Variants in AVPR1B observed in about 807,000 individuals in gnomAD.
The protein encoded by AVPR1B is arginine vasopressin receptor 1B, also known as vasopressin V1b receptor.
AVPR1B carries 25 observed loss-of-function variants against 27.5 expected under a neutral mutation model. The observed-to-expected ratio is 0.91, with a 90% CI of 0.66 to 1.27. AVPR1B has a LOEUF of 1.27. Among genes scored for constraint, AVPR1B ranks in the 50% most tolerant of loss-of-function variants. The probability of loss-of-function intolerance (pLI) is 0.00; values close to 1 mark genes in which losing one functional copy is unlikely to be tolerated. For synonymous variants in AVPR1B, 248 were observed against 240.2 expected (o/e 1.03, Z -0.30); for missense variants, 595 against 556.9 (o/e 1.07, Z -0.69).
At position 206,110,150 on chromosome 1, in the gene AVPR1B, C is replaced by T; in HGVS notation, c.*39G>A. 6.4e-7 allele frequency: 1 copy of T among 1,556,080 alleles called. No individual in the cohort carries two copies. The highest frequency in any genetic ancestry group is 1.9e-5 in the Admixed American group (1 of 52,780). The stretch of plus-strand genomic sequence containing the variant: ...GCCCGAGGTGGGCAGAGAACCTCCA[C>T]TAGTCCTGGGGGCAGTACCAGACCC... On this transcript the variant is annotated 3_prime_UTR_variant, in exon 2 of 2. Coordinates refer to ENST00000367126, the MANE Select transcript of AVPR1B (RefSeq NM_000707.5).
rs373842815 is a variant in AVPR1B at position 206,110,159 on chromosome 1, G to A, written c.*30C>T. On this transcript the variant is annotated 3_prime_UTR_variant, in exon 2 of 2. Transcript: ENST00000367126. ...GGGCAGAGAACCTCCACTAGTCCTG[G>A]GGGCAGTACCAGACCCCAGCGAGTC... 1.7e-5 allele frequency: 27 copies of A among 1,571,890 alleles called. No homozygotes were observed. Among genetic ancestry groups the A allele is most frequent in the Non-Finnish European group, 2.2e-5 (26 of 1,156,552 alleles).
intron 1 of AVPR1B, among the ~76,000 whole-genome samples, chr1:206,115,097 T>A (rs147738649): frequency 1.4e-4 from 21 of 152,340 alleles, no homozygotes; most frequent in Non-Finnish European, 2.8e-4. Context: ...AGCTCATGCA[T>A]AGGTACTGCA....
In AVPR1B at chr1:206,107,396, A is replaced by G. The variant is rs1258541511; in HGVS notation, c.*2793T>C. Among the ~76,000 whole-genome samples, 2 of 151,836 alleles carry G rather than the reference A, an allele frequency of 1.3e-5. No individual in the cohort carries two copies. Among genetic ancestry groups the G allele is most frequent in the Non-Finnish European group, 2.9e-5 (2 of 67,978 alleles). ...CTTGAACCCTATCCAAGGCCCTTCC[A>G]CTGGCCCAGACTGTCCAGGCGAGCC... On this transcript the variant is annotated 3_prime_UTR_variant, in exon 2 of 2. Transcript: ENST00000367126.
In AVPR1B at chr1:206,116,497, G is replaced by T; in HGVS notation, c.394C>A (p.Arg132Ser). 6.2e-7 allele frequency: 1 copy of T among 1,614,060 alleles called. No individual in the cohort carries two copies. The highest frequency in any genetic ancestry group is 1.7e-4 in the Middle Eastern group (1 of 6,060). ...AGGGGGTGACAGACAGCCAGGTAGCGGTCCAGCGTCATGGCCAGCAGCATG... is the reference window on the plus strand; with the variant it reads ...AGGGGGTGACAGACAGCCAGGTAGCTGTCCAGCGTCATGGCCAGCAGCATG... ...TYMLLAMTLD[R>S]YLAVCHPLRS... The change falls in exon 1 of 2, where the codon CGC (arginine) becomes AGC (serine). Residue 132 changes from arginine (R) to serine (S), a missense_variant. Transcript: ENST00000367126.
At position 206,116,442 on chromosome 1, in the gene AVPR1B, G is replaced by T; in HGVS notation, c.449C>A (p.Thr150Asn). 1 of 1,614,010 alleles carries T rather than the reference G, an allele frequency of 6.2e-7. No individual in the cohort carries two copies. The highest frequency in any genetic ancestry group is 8.5e-7 in the Non-Finnish European group (1 of 1,180,038). Residue 150 changes from threonine to asparagine, a missense_variant, in exon 1 of 2, where the codon ACC (threonine) becomes AAC (asparagine). Transcript: ENST00000367126. ...CCAGGGAGCAGCGATGAGCAGGTAG[G>T]TGGACTGGCCTGGCTGCTGGAGGCT... is the stretch of plus-strand genomic sequence containing the variant. ...LRSLQQPGQS[T>N]YLLIAAPWLL...
At chr1:206,114,932 G>A (rs1663438714) in intron 1 of AVPR1B, among the ~76,000 whole-genome samples, 1 of 152,180 alleles carries the variant, frequency 6.6e-6, no homozygotes, top group African/African-American at 2.4e-5. Context: ...AGCAGAAGCT[G>A]AGCCAAAACA....
chr1:206,116,569 T>C lies in AVPR1B; in HGVS notation c.322A>G (p.Arg108Gly). ...YRFQGPDLLC[R>G]AVKYLQVLSM... Reference sequence around the variant, plus strand: ...AGCACCTGCAGGTACTTGACGGCCCTGCACAGGAGGTCGGGGCCCTGGAAG... The same window carrying C: ...AGCACCTGCAGGTACTTGACGGCCCCGCACAGGAGGTCGGGGCCCTGGAAG... Residue 108 changes from arginine to glycine, a missense_variant, in exon 1 of 2, where the codon AGG (arginine) becomes GGG (glycine). Physicochemically the swap from Arg to Gly is moderately radical, Grantham distance 125. Transcript: ENST00000367126. 6.2e-7 allele frequency: 1 copy of C among 1,614,100 alleles called. No individual in the cohort carries two copies. The highest frequency in any genetic ancestry group is 8.5e-7 in the Non-Finnish European group (1 of 1,180,028).
rs1553290627 is a variant in AVPR1B, at chr1:206,116,846, G to A, written c.45C>T (p.Gly15=). ...PLWDANPTPR[G]TLSAPNATTP... is the part of the protein sequence containing the mutation. ...TTGTGGCATTGGGGGCAGAGAGGGT[G>A]CCCCGAGGGGTGGGGTTGGCATCCC... The change falls in exon 1 of 2, where the codon GGC becomes GGT. Residue 15 remains glycine, a synonymous_variant. Coordinates refer to ENST00000367126, the MANE Select transcript of AVPR1B (RefSeq NM_000707.5). The A allele has an allele frequency of 6.2e-7, 1 of 1,613,842 alleles. No individual in the cohort carries two copies.
rs1553289614 is a variant in AVPR1B, at chr1:206,110,372, G to T, written c.1092C>A (p.Arg364=). Residue 364 remains arginine (R), a synonymous_variant, in exon 2 of 2, where the codon CGC becomes CGA. Coordinates refer to ENST00000367126, the MANE Select transcript of AVPR1B (RefSeq NM_000707.5). ...ACCGGPQPRM[R]RRLSDGSLSS... The stretch of plus-strand genomic sequence containing the variant: ...AGAGGCTGCCGTCGGAGAGCCGCCG[G>T]CGCATCCTGGGCTGGGGACCCCCAC... 2 of 1,610,826 alleles carry T rather than the reference G, an allele frequency of 1.2e-6. No individual in the cohort carries two copies. Among genetic ancestry groups the T allele is most frequent in the Admixed American group, 3.4e-5 (2 of 59,488 alleles).
intron 1 of AVPR1B, among the ~76,000 whole-genome samples, chr1:206,113,020 G>A (rs536059530): frequency 6.6e-6 from 1 of 152,334 alleles, no homozygotes; most frequent in South Asian, 2.1e-4. Flanking sequence ...CTTTGGCTGA[G>A]GGGACAGTAT....
Position 206,109,498 on chromosome 1 carries a change from A to G in AVPR1B, c.*691T>C, listed in dbSNP as rs190402840. On this transcript the variant is annotated 3_prime_UTR_variant, in exon 2 of 2. Transcript: ENST00000367126. ...GTGGACCAGACCACAGAGAATATAC[A>G]ACACTTTCCCGTCATCCACGCTGTC... Among the ~76,000 whole-genome samples the G allele has an allele frequency of 6.6e-5, 9 of 135,354 alleles. No homozygotes were observed. The East Asian group carries it at 1.8e-3, about 27-fold the overall frequency. 88.8% of individuals were successfully genotyped at this position (135,354 alleles called of 152,430 possible).
chr1:206,112,514 G>T (rs1222756640), intron 1 of AVPR1B, among the ~76,000 whole-genome samples: 2 of 152,074 alleles, frequency 1.3e-5, no homozygotes, highest in Non-Finnish European at 2.9e-5. Context: ...ACAGGGTCTC[G>T]CTCTGACCCT....
In AVPR1B at chr1:206,108,896, C is replaced by A; in HGVS notation, c.*1293G>T. 6.6e-6 allele frequency among the ~76,000 whole-genome samples: 1 copy of A among 152,212 alleles called. No individual in the cohort carries two copies. The highest frequency in any genetic ancestry group is 1.9e-4 in the East Asian group (1 of 5,200). ...CAGCCTTGGAGGAGGATTCAGCATC[C>A]CAGATGAGGACAAAAGTGGACAGTA... On this transcript the variant is annotated 3_prime_UTR_variant, in exon 2 of 2. Transcript: ENST00000367126.
At position 206,107,379 on chromosome 1, in the gene AVPR1B, C is replaced by A. The variant is rs1663296331; in HGVS notation, c.*2810G>T. On this transcript the variant is annotated 3_prime_UTR_variant, in exon 2 of 2. Coordinates refer to ENST00000367126, the MANE Select transcript of AVPR1B (RefSeq NM_000707.5). Reference sequence around the variant, plus strand: ...CCACAGGGCCCCTCCTCCTTGAACCCTATCCAAGGCCCTTCCACTGGCCCA... The same window carrying A: ...CCACAGGGCCCCTCCTCCTTGAACCATATCCAAGGCCCTTCCACTGGCCCA... Among the ~76,000 whole-genome samples the A allele has an allele frequency of 6.6e-6, 1 of 152,140 alleles. No individual in the cohort carries two copies. Among genetic ancestry groups the A allele is most frequent in the African/African-American group, 2.4e-5 (1 of 41,436 alleles).
chr1:206,110,096 C>T lies in AVPR1B; in HGVS notation c.*93G>A. On this transcript the variant is annotated 3_prime_UTR_variant, in exon 2 of 2. Transcript: ENST00000367126. The stretch of plus-strand genomic sequence containing the variant: ...TTAGACAGGGCTCCTCTAACTCCAA[C>T]CCTTACCCTCCCAGCTCTCATTTCC... 1 of 1,413,858 alleles carries T rather than the reference C, an allele frequency of 7.1e-7. No individual in the cohort carries two copies. Among genetic ancestry groups the T allele is most frequent in the Non-Finnish European group, 9.5e-7 (1 of 1,051,114 alleles). 87.6% of individuals were successfully genotyped at this position (1,413,858 alleles called of 1,614,324 possible). A position where few individuals can be genotyped will look rare whatever the true frequency, so the allele number is the denominator to read the frequency against.
At chr1:206,115,246 A>C (rs80169095) in intron 1 of AVPR1B, among the ~76,000 whole-genome samples, 1 of 152,098 alleles carries the variant, frequency 6.6e-6, no homozygotes, top group African/African-American at 2.4e-5. Context: ...GAAAAAAAAA[A>C]CACATAAAAA....
rs1434995549 is a variant in AVPR1B, at chr1:206,109,518, G to A, written c.*671C>T. ...TATACAACACTTTCCCGTCATCCACGCTGTCATGGGGGGTGGCACGAGGAG... is the reference window on the plus strand; with the variant it reads ...TATACAACACTTTCCCGTCATCCACACTGTCATGGGGGGTGGCACGAGGAG... On this transcript the variant is annotated 3_prime_UTR_variant, in exon 2 of 2. Transcript: ENST00000367126. 4.0e-5 allele frequency among the ~76,000 whole-genome samples: 6 copies of A among 151,346 alleles called. No homozygotes were observed. Among genetic ancestry groups the A allele is most frequent in the South Asian group, 2.1e-4 (1 of 4,762 alleles).
intron 1 of AVPR1B, among the ~76,000 whole-genome samples, chr1:206,114,749 A>G (rs1392287051): frequency 6.6e-6 from 1 of 152,156 alleles, no homozygotes; most frequent in African/African-American, 2.4e-5. Flanking sequence ...AGACAAGGAG[A>G]CAGAAGACCT....
chr1:206,114,573 A>G (rs1279047214), intron 1 of AVPR1B, among the ~76,000 whole-genome samples: 3 of 152,158 alleles, frequency 2.0e-5, no homozygotes, highest in African/African-American at 7.2e-5. Flanking sequence ...GCTCAGGAGG[A>G]CACTGTCTAC....
Sources: allele counts gnomAD v4.1 joint callset (sites outside exome capture counted in the v4.1 genomes callset), GRCh38; gene constraint gnomAD v4.1.1; transcripts MANE v1.5; gene names NCBI Gene and HGNC (gene_info 2026-07-23, HGNC 2026-07-21).